Variants in C4BPA observed in about 807,000 individuals in gnomAD.
C4BPA encodes complement component 4 binding protein alpha, also known as C4b-binding protein alpha chain.
C4BPA carries 31 observed loss-of-function variants against 63.7 expected under a neutral mutation model. The ratio of observed to expected loss-of-function variants is 0.49; its 90% CI spans 0.37 to 0.66. C4BPA has a LOEUF of 0.66. C4BPA is among the 30% of genes least tolerant of loss of function. The pLI, the probability that C4BPA is intolerant of heterozygous loss-of-function variation, is 0.00. For synonymous variants in C4BPA, 259 were observed against 254.7 expected, an observed-to-expected ratio of 1.02 and a Z score of -0.16; for missense variants, 572 against 723.3, an observed-to-expected ratio of 0.79 and a Z score of 2.40.
At chr1:207,142,019 A>G (rs1001091121) in intron 10 of C4BPA, among the ~76,000 whole-genome samples, 1 of 152,124 alleles carries the variant, frequency 6.6e-6, no homozygotes, top group African/African-American at 2.4e-5. Flanking sequence ...TGCTGCACCC[A>G]TCAACCTGTC....
intron 6 of C4BPA, among the ~76,000 whole-genome samples, chr1:207,126,042 T>C (rs1685035038): frequency 6.6e-6 from 1 of 151,936 alleles, no homozygotes; most frequent in South Asian, 2.1e-4. Context: ...CACGGACCCA[T>C]AACCAAAATC....
chr1:207,109,796 G>A (rs1322132076), intron 1 of C4BPA, among the ~76,000 whole-genome samples: 1 of 152,206 alleles, frequency 6.6e-6, no homozygotes, highest in Non-Finnish European at 1.5e-5. Context: ...TTGACTAGTT[G>A]ATGATATGAT....
At chr1:207,130,806 A>T (rs1196459336) in intron 7 of C4BPA, among the ~76,000 whole-genome samples, 3 of 152,150 alleles carry the variant, frequency 2.0e-5, no homozygotes, top group African/African-American at 7.2e-5. Context: ...GGGAGGTGGA[A>T]ATAGGGAGTG....
chr1:207,134,694 C>T, intron 9 of C4BPA, 102 bp downstream of exon 9: 1 of 762,108 alleles, frequency 1.3e-6, no homozygotes, highest in Non-Finnish European at 2.1e-6. Flanking sequence ...ATTCATATAC[C>T]TTGCATGATT....
chr1:207,144,745 G>A lies in C4BPA; in HGVS notation c.*28G>A, dbSNP rs1403625321. On this transcript the variant is annotated 3_prime_UTR_variant, in exon 12 of 12. Transcript: ENST00000367070. ...TTTCTCAAAAGAAGGAGGAAAAGGT[G>A]TCTTGCTGGCTTGCCTCTTGCAATT... 3 of 1,546,836 alleles carry A rather than the reference G, an allele frequency of 1.9e-6. No individual in the cohort carries two copies. Among genetic ancestry groups the A allele is most frequent in the African/African-American group, 1.4e-5 (1 of 72,916 alleles).
intron 4 of C4BPA, among the ~76,000 whole-genome samples, chr1:207,118,178 T>C (rs1277946279): frequency 8.4e-6 from 1 of 119,320 alleles, no homozygotes; most frequent in Non-Finnish European, 1.8e-5. Context: ...TATCTATCTA[T>C]ATCTATCTAT....
At chr1:207,138,188 C>A (rs1685333260) in intron 9 of C4BPA, among the ~76,000 whole-genome samples, 1 of 152,202 alleles carries the variant, frequency 6.6e-6, no homozygotes, top group Admixed American at 6.5e-5. Context: ...ACTGGTATAG[C>A]CACAACTGTG....
At chr1:207,118,177 A>ATC (rs1558089396) in intron 4 of C4BPA, among the ~76,000 whole-genome samples, 68 of 147,558 alleles carry the variant, frequency 4.6e-4, no homozygotes, top group African/African-American at 1.2e-3. Context: ...CTATCTATCT[A>ATC]TATCTATCTA....
intron 4 of C4BPA, among the ~76,000 whole-genome samples, chr1:207,120,049 G>A (rs548998659): frequency 6.6e-6 from 1 of 152,232 alleles, no homozygotes; most frequent in East Asian, 1.9e-4. Flanking sequence ...CACCCAGTAT[G>A]TCTGGGTGCC....
At position 207,113,032 on chromosome 1, in the gene C4BPA, C is replaced by A. The variant is rs748066221; in HGVS notation, c.7C>A (p.Pro3Thr). ...ATCAGCGAAGCAGCAGGCCATGCACCCCCCAAAAACTCCATCTGGGGCTCT... is the reference window on the plus strand; with the variant it reads ...ATCAGCGAAGCAGCAGGCCATGCACACCCCAAAAACTCCATCTGGGGCTCT... MH[P>T]PKTPSGALHR... Residue 3 changes from proline (P) to threonine (T), a missense_variant, in exon 2 of 12, where the codon CCC (proline) becomes ACC (threonine). Transcript: ENST00000367070. 1.1e-5 allele frequency: 18 copies of A among 1,592,750 alleles called. No individual in the cohort carries two copies. Among genetic ancestry groups the A allele is most frequent in the Non-Finnish European group, 1.5e-5 (18 of 1,173,626 alleles).
At chr1:207,113,240 A>T (rs1266436162) in intron 2 of C4BPA, 73 bp downstream of exon 2, 40 of 1,499,584 alleles carry the variant, frequency 2.7e-5, no homozygotes, top group Non-Finnish European at 3.6e-5. Flanking sequence ...TTTAAGGCTA[A>T]AAAAAATGAT....
intron 3 of C4BPA, among the ~76,000 whole-genome samples, chr1:207,114,993 C>T (rs1684752421): frequency 6.6e-6 from 1 of 152,194 alleles, no homozygotes; most frequent in Non-Finnish European, 1.5e-5. Context: ...TTATAATTCA[C>T]TGTCAGTTGG....
intron 4 of C4BPA, among the ~76,000 whole-genome samples, chr1:207,116,974 A>G (rs1684806429): frequency 6.6e-6 from 1 of 152,136 alleles, no homozygotes; most frequent in Admixed American, 6.6e-5. Flanking sequence ...TTTCCTGTAC[A>G]TTTATGTATG....
chr1:207,110,636 A>G (rs552832473), intron 1 of C4BPA, among the ~76,000 whole-genome samples: 1 of 152,326 alleles, frequency 6.6e-6, no homozygotes, highest in East Asian at 1.9e-4. Context: ...TTACAATTTT[A>G]GAAAAGAAAA....
chr1:207,120,039 C>A (rs1006217199), intron 4 of C4BPA, among the ~76,000 whole-genome samples: 1 of 152,236 alleles, frequency 6.6e-6, no homozygotes, highest in East Asian at 1.9e-4. Flanking sequence ...TAAGGGGGTG[C>A]ACCCAGTATG....
intron 8 of C4BPA, among the ~76,000 whole-genome samples, chr1:207,133,694 T>C (rs1685215048): frequency 6.6e-6 from 1 of 152,120 alleles, no homozygotes; most frequent in African/African-American, 2.4e-5. Flanking sequence ...GCCCAGGAGT[T>C]TGAGACTGTA....
At chr1:207,131,511 T>C (rs1454827777) in intron 7 of C4BPA, 35 bp from the exon 8 acceptor site, 38 of 1,485,152 alleles carry the variant, frequency 2.6e-5, no homozygotes, top group Non-Finnish European at 3.5e-5. Context: ...AGTAATAGCG[T>C]CCTTTTGTTC....
chr1:207,143,998 G>T lies in C4BPA; in HGVS notation c.1620+5G>T. On this transcript the variant is annotated splice_donor_5th_base_variant and intron_variant, in intron 11 of 11. Coordinates refer to ENST00000367070, the MANE Select transcript of C4BPA (RefSeq NM_000715.4). ...GAGGTGCCCAAGTGTGAGTGGGTAA[G>T]TGGCACAATTCAAGGAAGTTCTGTG... is the stretch of plus-strand genomic sequence containing the variant. 6.4e-7 allele frequency: 1 copy of T among 1,563,768 alleles called. No individual in the cohort carries two copies. The highest frequency in any genetic ancestry group is 8.6e-7 in the Non-Finnish European group (1 of 1,158,296).
rs1479994057 is a variant in C4BPA, at chr1:207,136,414, C to A, written c.1273+1822C>A. ...AAGATCTTCACACTTCCTGCCCACT[C>A]TCATATGTCCACTTACCTGCTCCTA... On this transcript the variant is annotated intron_variant, in intron 9 of 11. Transcript: ENST00000367070. Among the ~76,000 whole-genome samples the A allele has an allele frequency of 3.9e-5, 6 of 152,322 alleles. No homozygotes were observed. In the East Asian group the frequency reaches 1.2e-3, roughly 29 times the overall value.
Sources: allele counts gnomAD v4.1 joint callset (sites outside exome capture counted in the v4.1 genomes callset), GRCh38; gene constraint gnomAD v4.1.1; transcripts MANE v1.5; gene names NCBI Gene and HGNC (gene_info 2026-07-23, HGNC 2026-07-21).